SORCS2: variants seen among roughly 807,000 people sequenced by gnomAD.
SORCS2 encodes VPS10 domain-containing receptor SorCS2.
Under a neutral mutation model 141.6 loss-of-function variants are expected in SORCS2, and 100 were observed. The ratio of observed to expected loss-of-function variants is 0.71; its 90% CI spans 0.60 to 0.83. SORCS2 has a LOEUF of 0.83. SORCS2 is among the 40% of genes least tolerant of loss of function. The pLI is 0.00. For synonymous variants in SORCS2, 789 were observed against 676.9 expected, an observed-to-expected ratio of 1.17 and a Z score of -2.57; for missense variants, 1,646 against 1,560.2, an observed-to-expected ratio of 1.05 and a Z score of -0.93.
chr4:7,521,241 C>T (rs1364669557), intron 2 of SORCS2, among the ~76,000 whole-genome samples: 1 of 152,132 alleles, frequency 6.6e-6, no homozygotes, highest in Admixed American at 6.5e-5. Flanking sequence ...CCTGCTCTCT[C>T]CCTGTATCTC....
At chr4:7,434,315 G>T (rs373856385) in intron 2 of SORCS2, 23 of 1,611,272 alleles carry the variant, frequency 1.4e-5, no homozygotes, top group Middle Eastern at 3.3e-4. Flanking sequence ...GAGACCTGCC[G>T]TACACAGTCT....
chr4:7,496,705 A>G (rs1459608153), intron 2 of SORCS2, among the ~76,000 whole-genome samples: 3 of 152,080 alleles, frequency 2.0e-5, no homozygotes, highest in African/African-American at 7.2e-5. Flanking sequence ...CACATCTGAA[A>G]AGGCCAAAGC....
At chr4:7,429,862 C>A (rs1350999650) in intron 2 of SORCS2, among the ~76,000 whole-genome samples, 1 of 152,186 alleles carries the variant, frequency 6.6e-6, no homozygotes, top group Non-Finnish European at 1.5e-5. Context: ...GTTTCAGCAT[C>A]CACCTCTGGG....
intron 2 of SORCS2, chr4:7,432,305 C>A (rs2109228799): frequency 6.6e-6 from 1 of 152,184 alleles, no homozygotes; most frequent in South Asian, 2.1e-4. Flanking sequence ...GCCAGACTCT[C>A]CTGGGTGCCC....
At chr4:7,198,133 C>G (rs1348155974) in intron 1 of SORCS2, among the ~76,000 whole-genome samples, 2 of 152,112 alleles carry the variant, frequency 1.3e-5, no homozygotes, top group African/African-American at 4.8e-5. Flanking sequence ...AGGCTTGGAC[C>G]AAGGCTGTGG....
At chr4:7,521,825 A>G (rs1022667556) in intron 2 of SORCS2, among the ~76,000 whole-genome samples, 2 of 152,192 alleles carry the variant, frequency 1.3e-5, no homozygotes, top group Admixed American at 1.3e-4. Context: ...GGTCCACTCA[A>G]GGGGCCTTGC....
At chr4:7,298,440 T>C (rs905905011) in intron 1 of SORCS2, among the ~76,000 whole-genome samples, 1 of 152,132 alleles carries the variant, frequency 6.6e-6, no homozygotes, top group Non-Finnish European at 1.5e-5. Context: ...TGCAGACTTT[T>C]CTGGAGAGGG....
At chr4:7,508,924 G>A (rs576929449) in intron 2 of SORCS2, among the ~76,000 whole-genome samples, 2 of 152,062 alleles carry the variant, frequency 1.3e-5, no homozygotes, top group Non-Finnish European at 2.9e-5. Context: ...GAGGGGGCCC[G>A]GCTGCAAGCT....
At chr4:7,346,305 T>G (rs1388726388) in intron 1 of SORCS2, among the ~76,000 whole-genome samples, 1 of 152,264 alleles carries the variant, frequency 6.6e-6, no homozygotes, top group African/African-American at 2.4e-5. Context: ...CATGGATTAT[T>G]TGGAAATCTT....
intron 1 of SORCS2, among the ~76,000 whole-genome samples, chr4:7,241,578 C>G (rs564076710): frequency 6.6e-6 from 1 of 152,136 alleles, no homozygotes; most frequent in Non-Finnish European, 1.5e-5. Flanking sequence ...TGATGCCCCT[C>G]CCTGCCCTTC....
At chr4:7,455,655 C>T (rs1193596954) in intron 2 of SORCS2, among the ~76,000 whole-genome samples, 10 of 96,288 alleles carry the variant, frequency 1.0e-4, no homozygotes, top group Middle Eastern at 0.011. Flanking sequence ...GGTCAGGCTT[C>T]GTGTTGGGGT....
chr4:7,516,224 A>G (rs1732970998), intron 2 of SORCS2, among the ~76,000 whole-genome samples: 1 of 152,180 alleles, frequency 6.6e-6, no homozygotes, highest in Non-Finnish European at 1.5e-5. Flanking sequence ...AAATCCATCA[A>G]TGATGAGACA....
At chr4:7,265,819 G>A (rs1714684495) in intron 1 of SORCS2, among the ~76,000 whole-genome samples, 1 of 152,136 alleles carries the variant, frequency 6.6e-6, no homozygotes. Context: ...CTCTTCCTGG[G>A]GGCTGTGGTG....
chr4:7,571,787 G>A (rs531337684), intron 3 of SORCS2, among the ~76,000 whole-genome samples: 4 of 152,352 alleles, frequency 2.6e-5, no homozygotes, highest in South Asian at 2.1e-4. Flanking sequence ...ACGTCATTCA[G>A]TGTTAATCAT....
rs538199736 is a variant in SORCS2 at position 7,740,853 on chromosome 4, G to A, written c.*589G>A. 5.2e-4 allele frequency: 206 copies of A among 393,830 alleles called. 1 individual carries two copies. The highest frequency in any genetic ancestry group is 3.5e-3 in the African/African-American group (170 of 48,622). The allele number at this position is 393,830 out of a possible 1,614,324, so 24.4% of individuals were successfully genotyped here. ...TCTCTAGGTAGCTGCTGGCGGTGGTGGGGGTGTCTCACTCTCTGTCTTTAT... is the reference window on the plus strand; with the variant it reads ...TCTCTAGGTAGCTGCTGGCGGTGGTAGGGGTGTCTCACTCTCTGTCTTTAT... On this transcript the variant is annotated 3_prime_UTR_variant, in exon 27 of 27. Transcript: ENST00000507866.
rs889426806 is a variant in SORCS2 at position 7,703,474 on chromosome 4, G to T, written c.1760+103G>T. 10 of 896,760 alleles carry T rather than the reference G, an allele frequency of 1.1e-5. No homozygotes were observed. The East Asian group carries it at 2.7e-4, about 25-fold the overall frequency. 55.6% of individuals were successfully genotyped at this position (896,760 alleles called of 1,614,324 possible). A position where few individuals can be genotyped will look rare whatever the true frequency, so the allele number is the denominator to read the frequency against. On this transcript the variant is annotated intron_variant, in intron 13 of 26. Coordinates refer to ENST00000507866, the MANE Select transcript of SORCS2 (RefSeq NM_020777.3). The stretch of plus-strand genomic sequence containing the variant: ...AGTCCCCAGAATGTCCTCCCCTCGG[G>T]GACACATGATCACAGAGCAACTGCA...
At chr4:7,330,888 A>G (rs1051339533) in intron 1 of SORCS2, among the ~76,000 whole-genome samples, 4 of 152,076 alleles carry the variant, frequency 2.6e-5, no homozygotes, top group Admixed American at 1.3e-4. Context: ...CGCGGCCGCC[A>G]TGGACAGGAC....
At chr4:7,380,677 C>G (rs930542419) in intron 1 of SORCS2, among the ~76,000 whole-genome samples, 5 of 152,260 alleles carry the variant, frequency 3.3e-5, no homozygotes, top group African/African-American at 4.8e-5. Flanking sequence ...GCGTAGGCCT[C>G]AAGCTTGTCT....
intron 1 of SORCS2, among the ~76,000 whole-genome samples, chr4:7,323,900 C>G (rs1404784121): frequency 6.6e-6 from 1 of 152,160 alleles, no homozygotes; most frequent in Non-Finnish European, 1.5e-5. Flanking sequence ...GGACTGCACT[C>G]TTGACACTGG....
Sources: allele counts gnomAD v4.1 joint callset (sites outside exome capture counted in the v4.1 genomes callset), GRCh38; gene constraint gnomAD v4.1.1; transcripts MANE v1.5; gene names NCBI Gene and HGNC (gene_info 2026-07-23, HGNC 2026-07-21).